Variants in TMEM156 observed in about 807,000 individuals in gnomAD.
TMEM156 encodes the protein transmembrane protein 156.
TMEM156 carries 28 observed loss-of-function variants against 30.5 expected under a neutral mutation model. The observed-to-expected ratio is 0.92, with a 90% CI of 0.68 to 1.26. TMEM156 has a LOEUF of 1.26. Among genes scored for constraint, TMEM156 ranks in the 50% most tolerant of loss-of-function variants. The probability of loss-of-function intolerance (pLI) is 0.00; values close to 1 mark genes in which losing one functional copy is unlikely to be tolerated. For missense variants in TMEM156, 351 were observed against 340.6 expected, an observed-to-expected ratio of 1.03 and a Z score of -0.24; for synonymous variants, 137 against 119.9, an observed-to-expected ratio of 1.14 and a Z score of -0.93.
Position 38,990,834 on chromosome 4 carries a change from T to C in TMEM156, c.620-1864A>G, listed in dbSNP as rs13145494. Among the ~76,000 whole-genome samples the C allele has an allele frequency of 1.1e-3, 61 of 56,786 alleles. 1 individual carries two copies. The highest frequency in any genetic ancestry group is 1.5e-3 in the South Asian group (2 of 1,300). The allele number at this position is 56,786 out of a possible 152,430, so 37.3% of individuals were successfully genotyped here. The stretch of plus-strand genomic sequence containing the variant: ...GTTTTTTTGGTTTGTTTTCTGGTTT[T>C]TTTTTTTTTTTTTTTTTTTGAGAGG... On this transcript the variant is annotated intron_variant, in intron 3 of 6. Transcript: ENST00000381938.
At chr4:39,015,846 A>G (rs1352217800) in intron 1 of TMEM156, among the ~76,000 whole-genome samples, 1 of 152,052 alleles carries the variant, frequency 6.6e-6, no homozygotes, top group Non-Finnish European at 1.5e-5. Flanking sequence ...TGATGGTTTT[A>G]TAAGGGGAAA....
intron 1 of TMEM156, among the ~76,000 whole-genome samples, chr4:39,002,818 G>A (rs1303478145): frequency 6.6e-6 from 1 of 151,514 alleles, no homozygotes; most frequent in Non-Finnish European, 1.5e-5. Context: ...CTCACTCATA[G>A]GTGGGAATTG....
chr4:38,991,275 G>A (rs1287448370), intron 3 of TMEM156, among the ~76,000 whole-genome samples: 2 of 147,694 alleles, frequency 1.4e-5, no homozygotes, highest in African/African-American at 5.0e-5. Context: ...CCAGGCTGGA[G>A]TGCAGTGGCC....
chr4:38,986,988 CT>C (rs1351690937), intron 4 of TMEM156, among the ~76,000 whole-genome samples: 1 of 151,798 alleles, frequency 6.6e-6, no homozygotes, highest in Non-Finnish European at 1.5e-5. Flanking sequence ...TTTTTTATTA[CT>C]TTGTATGCTT....
At chr4:39,026,820 G>C (rs2711975) in intron 1 of TMEM156, among the ~76,000 whole-genome samples, 1 of 151,806 alleles carries the variant, frequency 6.6e-6, no homozygotes, top group Non-Finnish European at 1.5e-5. Flanking sequence ...CCAGCTACTC[G>C]GGAGGCTGAG....
At chr4:38,994,076 C>A (rs968138143) in intron 2 of TMEM156, 78 bp from the exon 3 acceptor site, 3 of 1,266,216 alleles carry the variant, frequency 2.4e-6, no homozygotes, top group Non-Finnish European at 3.3e-6. Context: ...AAAACTAAAT[C>A]TCTTCCTTTC....
At chr4:39,008,586 G>A (rs1713900566) in intron 1 of TMEM156, among the ~76,000 whole-genome samples, 1 of 151,780 alleles carries the variant, frequency 6.6e-6, no homozygotes, top group South Asian at 2.1e-4. Flanking sequence ...CATTTTTGTT[G>A]AGTATGAGTA....
In TMEM156 at chr4:38,986,320, A is replaced by C. The variant is rs780297212; in HGVS notation, c.823+16T>G. ...ATTTCCTGAGTGCTGTTTTGTTTAC[A>C]TGCCACAGAACTTACCTGAAAGAAC... On this transcript the variant is annotated intron_variant, in intron 5 of 6. Coordinates refer to ENST00000381938, the MANE Select transcript of TMEM156 (RefSeq NM_024943.3). 6.2e-7 allele frequency: 1 copy of C among 1,601,678 alleles called. No individual in the cohort carries two copies. The highest frequency in any genetic ancestry group is 8.6e-7 in the Non-Finnish European group (1 of 1,168,764).
At chr4:39,017,523 G>A (rs1714582559) in intron 1 of TMEM156, among the ~76,000 whole-genome samples, 1 of 151,970 alleles carries the variant, frequency 6.6e-6, no homozygotes, top group Non-Finnish European at 1.5e-5. Context: ...TGTTCCAGAT[G>A]TTGAGTTCAA....
intron 5 of TMEM156, among the ~76,000 whole-genome samples, chr4:38,981,766 A>T (rs1255833449): frequency 3.3e-5 from 5 of 152,204 alleles, no homozygotes; most frequent in African/African-American, 1.2e-4. Flanking sequence ...GTGCTTAATG[A>T]GATATTAGTT....
chr4:38,967,759 A>G (rs1722412734), intron 6 of TMEM156, 118 bp from the exon 7 acceptor site: 1 of 152,256 alleles, frequency 6.6e-6, no homozygotes. Flanking sequence ...TATGGCTTAT[A>G]AGACCACCAA....
chr4:38,978,224 A>G (rs1469079566), intron 5 of TMEM156, among the ~76,000 whole-genome samples: 1 of 152,122 alleles, frequency 6.6e-6, no homozygotes, highest in African/African-American at 2.4e-5. Flanking sequence ...TTGTTCAGCT[A>G]CATTTTATAT....
At chr4:39,010,232 T>C (rs1474359223) in intron 1 of TMEM156, among the ~76,000 whole-genome samples, 9 of 152,160 alleles carry the variant, frequency 5.9e-5, no homozygotes, top group Non-Finnish European at 1.3e-4. Context: ...AAAACACTGA[T>C]GAAAGAAATC....
intron 6 of TMEM156, among the ~76,000 whole-genome samples, chr4:38,969,174 G>A (rs1301751032): frequency 6.6e-6 from 1 of 152,144 alleles, no homozygotes; most frequent in Non-Finnish European, 1.5e-5. Context: ...CTATCTGACT[G>A]TACATTTGTA....
chr4:38,968,610 G>C (rs1409502897), intron 6 of TMEM156, among the ~76,000 whole-genome samples: 1 of 152,198 alleles, frequency 6.6e-6, no homozygotes, highest in African/African-American at 2.4e-5. Flanking sequence ...CAACCAGAAT[G>C]AGAGGTCTCG....
chr4:38,993,517 CAT>C (rs1372056650), intron 3 of TMEM156, among the ~76,000 whole-genome samples: 3 of 152,214 alleles, frequency 2.0e-5, no homozygotes, highest in Admixed American at 2.0e-4. Flanking sequence ...AATCGTGACC[CAT>C]AAATGCCTCC....
At chr4:39,030,063 T>C (rs559282819) in intron 1 of TMEM156, among the ~76,000 whole-genome samples, 1 of 151,738 alleles carries the variant, frequency 6.6e-6, no homozygotes. Flanking sequence ...AATTCCCCAA[T>C]AAATCCACCT....
rs1314314229 is a variant in TMEM156, at chr4:38,988,989, C to T, written c.620-19G>A. On this transcript the variant is annotated intron_variant, in intron 3 of 6. Coordinates refer to ENST00000381938, the MANE Select transcript of TMEM156 (RefSeq NM_024943.3). ...GTGATATCTGTAAAGAAAACAAATA[C>T]TGTAAAAACCCAGTAAAATTATTCA... 1 of 1,603,430 alleles carries T rather than the reference C, an allele frequency of 6.2e-7. No homozygotes were observed. The highest frequency in any genetic ancestry group is 8.5e-7 in the Non-Finnish European group (1 of 1,174,668).
chr4:39,019,636 A>C (rs1714732413), intron 1 of TMEM156, among the ~76,000 whole-genome samples: 1 of 152,076 alleles, frequency 6.6e-6, no homozygotes, highest in South Asian at 2.1e-4. Context: ...TTTAAACTTC[A>C]TATATTTTCA....
Sources: gnomAD v4.1 joint callset for allele counts (sites outside exome capture counted in the v4.1 genomes callset) on GRCh38, gnomAD v4.1.1 for gene constraint, MANE v1.5 for transcripts, NCBI Gene and HGNC (gene_info 2026-07-23, HGNC 2026-07-21) for gene names.